SLC9C1: variants seen among roughly 807,000 people sequenced by gnomAD.
The protein encoded by SLC9C1 is sodium/hydrogen exchanger 10.
A neutral mutation model predicts 140.9 loss-of-function variants in SLC9C1; 97 were observed. The ratio of observed to expected loss-of-function variants is 0.69; its 90% CI spans 0.58 to 0.82. SLC9C1 has a LOEUF of 0.82. Ranked by LOEUF, SLC9C1 falls within the 40% of genes least tolerant of loss-of-function variation. The probability of loss-of-function intolerance (pLI) is 0.00; values close to 1 mark genes in which losing one functional copy is unlikely to be tolerated. For synonymous variants in SLC9C1, 440 were observed against 442.6 expected, an observed-to-expected ratio of 0.99 and a Z score of 0.07; for missense variants, 1,340 against 1,389.3, an observed-to-expected ratio of 0.96 and a Z score of 0.56.
intron 5 of SLC9C1, among the ~76,000 whole-genome samples, chr3:112,275,575 G>A (rs1019384349): frequency 3.3e-5 from 5 of 151,784 alleles, no homozygotes; most frequent in Admixed American, 3.3e-4. Context: ...AAGTTTAAAT[G>A]TCTGTTGTCC....
At chr3:112,150,473 G>T (rs1317665260) in intron 28 of SLC9C1, among the ~76,000 whole-genome samples, 1 of 152,054 alleles carries the variant, frequency 6.6e-6, no homozygotes, top group Non-Finnish European at 1.5e-5. Flanking sequence ...TCATGGGAGT[G>T]CTGTTTGCCA....
At position 112,208,276 on chromosome 3, in the gene SLC9C1, T is replaced by C; in HGVS notation, c.1888A>G (p.Ile630Val). Residue 630 changes from isoleucine (I) to valine (V), a missense_variant, in exon 16 of 29, where the codon ATC becomes GTC. Ile to Val is a conservative substitution (Grantham distance 29). Coordinates refer to ENST00000305815, the MANE Select transcript of SLC9C1 (RefSeq NM_183061.3). ...VILMNIFPFIISWISQLNVIY... is the reference protein window; with the variant it reads ...VILMNIFPFIVSWISQLNVIY... ...ACATTTAACTGGGATATCCAAGAGA[T>C]TATAAAGGGAAATATATTCATTAAT... is the stretch of plus-strand genomic sequence containing the variant. 8 of 1,610,858 alleles carry C rather than the reference T, an allele frequency of 5.0e-6. No individual in the cohort carries two copies. The highest frequency in any genetic ancestry group is 5.9e-6 in the Non-Finnish European group (7 of 1,177,780).
At chr3:112,189,260 TTTG>T (rs1207794522) in intron 20 of SLC9C1, among the ~76,000 whole-genome samples, 1 of 152,234 alleles carries the variant, frequency 6.6e-6, no homozygotes, top group Non-Finnish European at 1.5e-5. Flanking sequence ...AATTTTGGCT[TTTG>T]TTGCCATTGC....
intron 16 of SLC9C1, among the ~76,000 whole-genome samples, chr3:112,205,883 C>A: frequency 1.6e-5 from 1 of 62,992 alleles, no homozygotes; most frequent in African/African-American, 4.9e-5. Context: ...AACATTAGAC[C>A]TAAAACCATA....
chr3:112,255,885 T>C (rs988428868), intron 10 of SLC9C1, among the ~76,000 whole-genome samples: 1 of 152,056 alleles, frequency 6.6e-6, no homozygotes, highest in Non-Finnish European at 1.5e-5. Context: ...CAATTAAAAA[T>C]GACAAAGTGT....
At chr3:112,270,421 A>G (rs917152265) in intron 6 of SLC9C1, among the ~76,000 whole-genome samples, 1 of 152,190 alleles carries the variant, frequency 6.6e-6, no homozygotes, top group Non-Finnish European at 1.5e-5. Flanking sequence ...TATCTTTTTG[A>G]TAAAAGCCAT....
intron 8 of SLC9C1, among the ~76,000 whole-genome samples, chr3:112,265,539 C>G (rs569252204): frequency 6.6e-6 from 1 of 152,016 alleles, no homozygotes; most frequent in Non-Finnish European, 1.5e-5. Context: ...CTCTAAAAAC[C>G]ATGGTTTACT....
At position 112,182,168 on chromosome 3, in the gene SLC9C1, G is replaced by A; in HGVS notation, c.2614C>T (p.Leu872=). 1 of 1,584,092 alleles carries A rather than the reference G, an allele frequency of 6.3e-7. No homozygotes were observed. The highest frequency in any genetic ancestry group is 8.6e-7 in the Non-Finnish European group (1 of 1,166,100). ...TTTATATAATCTTTGTTTTTATCTAGCCACGGAATATGATATAGAACTTCT... is the reference window on the plus strand; with the variant it reads ...TTTATATAATCTTTGTTTTTATCTAACCACGGAATATGATATAGAACTTCT... The part of the protein sequence containing the change: ...VEEVLYHIPW[L]DKNKDYINFI... Residue 872 remains leucine, a synonymous_variant, in exon 21 of 29, where the codon CTA becomes TTA. Coordinates refer to ENST00000305815, the MANE Select transcript of SLC9C1 (RefSeq NM_183061.3).
At chr3:112,269,821 G>T in intron 7 of SLC9C1, 95 bp downstream of exon 7, 1 of 1,066,666 alleles carries the variant, frequency 9.4e-7, no homozygotes, top group Non-Finnish European at 1.3e-6. Context: ...TCAGTTGAAT[G>T]TTTTTACTAA....
intron 26 of SLC9C1, among the ~76,000 whole-genome samples, chr3:112,165,681 C>T (rs547116464): frequency 1.3e-4 from 20 of 152,212 alleles, no homozygotes; most frequent in South Asian, 4.1e-4. Flanking sequence ...TCTGTCCCTA[C>T]TGGGGGGTGC....
intron 6 of SLC9C1, 45 bp downstream of exon 6, chr3:112,274,852 T>G (rs1337310322): frequency 1.4e-6 from 2 of 1,419,554 alleles, no homozygotes; most frequent in African/African-American, 2.9e-5. Flanking sequence ...TTTCAGAAAA[T>G]ACAGGATTCT....
intron 5 of SLC9C1, among the ~76,000 whole-genome samples, chr3:112,277,186 T>C (rs889335648): frequency 7.2e-5 from 11 of 152,158 alleles, no homozygotes; most frequent in African/African-American, 2.7e-4. Context: ...TAAATATAGA[T>C]AGATTTTTCT....
chr3:112,264,080 T>A (rs925488370), intron 9 of SLC9C1, 120 bp downstream of exon 9: 1 of 475,094 alleles, frequency 2.1e-6, no homozygotes, highest in East Asian at 4.6e-5. Context: ...TTGCTGATGA[T>A]CCTTGGAAAG....
intron 20 of SLC9C1, chr3:112,185,749 G>A: frequency 6.5e-7 from 1 of 1,541,002 alleles, no homozygotes; most frequent in Admixed American, 1.9e-5. Context: ...CGGCCTGCCG[G>A]GCTGTCCTTC....
At chr3:112,222,671 A>C (rs2078574536) in intron 13 of SLC9C1, among the ~76,000 whole-genome samples, 1 of 152,158 alleles carries the variant, frequency 6.6e-6, no homozygotes, top group Non-Finnish European at 1.5e-5. Context: ...AACAAGACTC[A>C]AAATGAAGTT....
intron 20 of SLC9C1, among the ~76,000 whole-genome samples, chr3:112,184,897 C>T (rs1005934956): frequency 3.3e-5 from 5 of 151,986 alleles, no homozygotes; most frequent in African/African-American, 1.2e-4. Flanking sequence ...TCTAGCAAGA[C>T]AATACACCAC....
In SLC9C1 at chr3:112,278,869, C is replaced by T; in HGVS notation, c.190-12G>A. On this transcript the variant is annotated splice_polypyrimidine_tract_variant and intron_variant, in intron 3 of 28. Transcript: ENST00000305815. ...GCGTATCTTTGGACCTAATATTATA[C>T]AAATATATCATCTTCTCATTTATTC... 1 of 1,595,934 alleles carries T rather than the reference C, an allele frequency of 6.3e-7. No individual in the cohort carries two copies. The highest frequency in any genetic ancestry group is 8.5e-7 in the Non-Finnish European group (1 of 1,174,244).
At chr3:112,190,982 T>C (rs1189228950) in intron 20 of SLC9C1, among the ~76,000 whole-genome samples, 1 of 151,554 alleles carries the variant, frequency 6.6e-6, no homozygotes, top group East Asian at 1.9e-4. Flanking sequence ...TATATGGCTT[T>C]GTAAGTGGTT....
intron 20 of SLC9C1, among the ~76,000 whole-genome samples, chr3:112,195,264 A>G (rs897031209): frequency 6.6e-6 from 1 of 152,136 alleles, no homozygotes; most frequent in African/African-American, 2.4e-5. Context: ...TAGGTCTTAC[A>G]TAAAGGTCAT....
Sources: allele counts gnomAD v4.1 joint callset (sites outside exome capture counted in the v4.1 genomes callset), GRCh38; gene constraint gnomAD v4.1.1; transcripts MANE v1.5; gene names NCBI Gene and HGNC (gene_info 2026-07-23, HGNC 2026-07-21).